Variants in USP47 observed in about 807,000 individuals in gnomAD.
USP47 encodes the protein ubiquitin specific peptidase 47.
Under a neutral mutation model 165.1 loss-of-function variants are expected in USP47, and 35 were observed. That is an observed-to-expected ratio of 0.21 (90% confidence interval 0.16 to 0.28). The LOEUF is 0.28. USP47 is among the 10% of genes least tolerant of loss of function. The pLI is 1.00. For synonymous variants in USP47, 531 were observed against 544.5 expected (o/e 0.98, Z 0.35); for missense variants, 1,277 against 1,607.4 (o/e 0.79, Z 3.52).
Position 11,901,898 on chromosome 11 carries a change from G to A in USP47, c.594-817G>A, listed in dbSNP as rs576441209. ...CGCTTAAAACCAGGAGGCAGAGATT[G>A]CAGTGAGCCAAGATCATCCCACTGC... On this transcript the variant is annotated intron_variant, in intron 5 of 27. Transcript: ENST00000527733. 4.0e-5 allele frequency among the ~76,000 whole-genome samples: 6 copies of A among 150,500 alleles called. No individual in the cohort carries two copies. The East Asian group carries it at 1.2e-3, about 29-fold the overall frequency.
intron 3 of USP47, 72 bp downstream of exon 3, chr11:11,884,652 C>T (rs1590298880): frequency 2.0e-6 from 2 of 977,398 alleles, no homozygotes; most frequent in Non-Finnish European, 3.0e-6. Context: ...ATGCAGTTTC[C>T]CAAAGGAAAT....
chr11:11,842,196 G>C lies in USP47; in HGVS notation c.11G>C (p.Gly4Ala), dbSNP rs1302567973. MVP[G>A]EENQLVPKEI... Reference sequence around the variant, plus strand: ...CGGCCGGAGTCAGCGATGGTGCCCGGCGAGGAGAACCAACTGGTCCCGAAA... The same window carrying C: ...CGGCCGGAGTCAGCGATGGTGCCCGCCGAGGAGAACCAACTGGTCCCGAAA... Residue 4 changes from glycine to alanine, a missense_variant, in exon 1 of 28, where the codon GGC becomes GCC. Gly to Ala is a moderately conservative substitution (Grantham distance 60). This residue lies in a region of USP47 where 181 missense variants were observed against 194.7 expected (regional missense o/e 0.93). Transcript: ENST00000527733. The C allele has an allele frequency of 5.1e-6, 8 of 1,554,000 alleles. No individual in the cohort carries two copies. Among genetic ancestry groups the C allele is most frequent in the Non-Finnish European group, 7.0e-6 (8 of 1,147,856 alleles).
chr11:11,953,041 C>A (rs1445713930), intron 25 of USP47, among the ~76,000 whole-genome samples, 170 bp downstream of exon 25: 1 of 152,088 alleles, frequency 6.6e-6, no homozygotes, highest in African/African-American at 2.4e-5. Flanking sequence ...TTCTGTCACA[C>A]CTTGTGGCAC....
At chr11:11,929,715 A>G (rs1243501507) in intron 12 of USP47, 150 bp downstream of exon 12, 11 of 1,181,192 alleles carry the variant, frequency 9.3e-6, no homozygotes, top group Admixed American at 2.6e-5. Flanking sequence ...TGCTTTTAGT[A>G]AAGTTCTTGC....
At chr11:11,891,260 T>A (rs1027125985) in intron 3 of USP47, among the ~76,000 whole-genome samples, 3 of 152,224 alleles carry the variant, frequency 2.0e-5, no homozygotes, top group African/African-American at 7.2e-5. Context: ...ATCCTTCTGT[T>A]TAATGACGCT....
At chr11:11,930,820 C>T (rs1167833611) in intron 14 of USP47, 69 bp downstream of exon 14, 1 of 1,248,554 alleles carries the variant, frequency 8.0e-7, no homozygotes, top group Non-Finnish European at 1.1e-6. Context: ...AGTTTGCAAA[C>T]CCAGATAACT....
At chr11:11,884,655 A>G (rs553833781) in intron 3 of USP47, 75 bp downstream of exon 3, 1 of 941,056 alleles carries the variant, frequency 1.1e-6, no homozygotes, top group African/African-American at 1.7e-5. Flanking sequence ...CAGTTTCCCA[A>G]AGGAAATAAG....
chr11:11,935,784 C>T (rs1855017064), intron 16 of USP47, among the ~76,000 whole-genome samples: 1 of 151,874 alleles, frequency 6.6e-6, no homozygotes, highest in South Asian at 2.1e-4. Context: ...TTTAAGTATT[C>T]TGGAGGCTAA....
chr11:11,842,014 C>CT lies in USP47; in HGVS notation c.-171dup, dbSNP rs1283805806. On this transcript the variant is annotated 5_prime_UTR_variant, in exon 1 of 28. Transcript: ENST00000527733. The stretch of plus-strand genomic sequence containing the variant: ...TAGCGGCGGCGGCGGCGGCGGAGCC[C>CT]TGGGTCGGTGTCTGCGCGCTGGTGT... 2.8e-6 allele frequency: 2 copies of CT among 712,704 alleles called. No individual in the cohort carries two copies. The allele number at this position is 712,704 out of a possible 1,614,324, so 44.1% of individuals were successfully genotyped here.
chr11:11,873,729 C>A, intron 1 of USP47: 1 of 883,702 alleles, frequency 1.1e-6, no homozygotes. Context: ...GTTAATTGTT[C>A]TCATTTCACT....
chr11:11,925,301 G>C (rs1854155958), intron 11 of USP47, among the ~76,000 whole-genome samples: 2 of 151,784 alleles, frequency 1.3e-5, no homozygotes, highest in South Asian at 4.1e-4. Flanking sequence ...GTAGAGATGG[G>C]GTTTCACCAT....
At chr11:11,871,731 GC>G (rs1029282846) in intron 1 of USP47, among the ~76,000 whole-genome samples, 4 of 151,990 alleles carry the variant, frequency 2.6e-5, no homozygotes, top group African/African-American at 9.7e-5. Context: ...CCTGTATCCT[GC>G]CCTGCGAGTT....
intron 8 of USP47, among the ~76,000 whole-genome samples, chr11:11,911,471 G>A (rs1371937459): frequency 6.6e-6 from 1 of 152,068 alleles, no homozygotes; most frequent in African/African-American, 2.4e-5. Flanking sequence ...ATTAGTGTCA[G>A]ATAAAGAAGA....
At position 11,853,845 on chromosome 11, in the gene USP47, G is replaced by A. The variant is rs181146910; in HGVS notation, c.39+11621G>A. 2.6e-5 allele frequency among the ~76,000 whole-genome samples: 4 copies of A among 151,914 alleles called. No individual in the cohort carries two copies. In the East Asian group the frequency reaches 7.8e-4, roughly 29 times the overall value. The stretch of plus-strand genomic sequence containing the variant: ...CATGCTCTTAAAATCCTATCCAACC[G>A]GCTGGGCCTGGTGGCTCACACCTGT... On this transcript the variant is annotated intron_variant, in intron 1 of 27. Coordinates refer to ENST00000527733, the MANE Select transcript of USP47 (RefSeq NM_001282659.2).
chr11:11,911,698 G>C (rs1437411061), intron 8 of USP47, among the ~76,000 whole-genome samples: 1 of 152,100 alleles, frequency 6.6e-6, no homozygotes, highest in Non-Finnish European at 1.5e-5. Context: ...CTGATAGGTA[G>C]AACAACTAGA....
At chr11:11,851,206 G>C (rs976028771) in intron 1 of USP47, among the ~76,000 whole-genome samples, 1 of 152,180 alleles carries the variant, frequency 6.6e-6, no homozygotes, top group Non-Finnish European at 1.5e-5. Flanking sequence ...TCATCTTTAA[G>C]CATGCAGATT....
At chr11:11,876,664 A>C (rs959377241) in intron 1 of USP47, among the ~76,000 whole-genome samples, 2 of 152,214 alleles carry the variant, frequency 1.3e-5, no homozygotes, top group African/African-American at 2.4e-5. Flanking sequence ...CAGGCACCTC[A>C]GTGTCTCCAC....
At chr11:11,871,703 T>C (rs1220192648) in intron 1 of USP47, among the ~76,000 whole-genome samples, 3 of 151,838 alleles carry the variant, frequency 2.0e-5, no homozygotes, top group Non-Finnish European at 4.4e-5. Flanking sequence ...TTGCACAGAG[T>C]GTCCAGCTTT....
chr11:11,872,365 G>C (rs1590267406), intron 1 of USP47, among the ~76,000 whole-genome samples: 1 of 152,212 alleles, frequency 6.6e-6, no homozygotes, highest in Non-Finnish European at 1.5e-5. Flanking sequence ...AAATCATGCT[G>C]TGTATTACAG....
Sources: allele counts gnomAD v4.1 joint callset (sites outside exome capture counted in the v4.1 genomes callset), GRCh38; gene constraint gnomAD v4.1.1; regional missense constraint gnomAD v4.1.1; transcripts MANE v1.5; gene names NCBI Gene and HGNC (gene_info 2026-07-23, HGNC 2026-07-21).